PLA2G4A: variants seen among roughly 807,000 people sequenced by gnomAD.
PLA2G4A encodes the protein cytosolic phospholipase A2.
PLA2G4A carries 40 observed loss-of-function variants against 81.9 expected under a neutral mutation model. The observed-to-expected ratio is 0.49, with a 90% confidence interval of 0.38 to 0.64. PLA2G4A has a LOEUF of 0.64. PLA2G4A is among the 30% of genes least tolerant of loss of function. The pLI, the probability that PLA2G4A is intolerant of heterozygous loss-of-function variation, is 0.00. For missense variants in PLA2G4A, 715 were observed against 905.1 expected, an observed-to-expected ratio of 0.79 and a Z score of 2.69; for synonymous variants, 302 against 296.9, an observed-to-expected ratio of 1.02 and a Z score of -0.18.
At chr1:186,906,264 G>A (rs577812523) in intron 5 of PLA2G4A, among the ~76,000 whole-genome samples, 29 of 152,194 alleles carry the variant, frequency 1.9e-4, no homozygotes, top group Admixed American at 1.8e-3. Context: ...TACAGTCTCT[G>A]GAAAGACAAC....
intron 10 of PLA2G4A, among the ~76,000 whole-genome samples, chr1:186,941,487 C>A (rs565890361): frequency 2.4e-4 from 37 of 152,220 alleles, no homozygotes; most frequent in African/African-American, 8.7e-4. Context: ...TATTTTATTC[C>A]ATGTTTCCTA....
chr1:186,884,850 C>T (rs572655402), intron 3 of PLA2G4A, among the ~76,000 whole-genome samples: 1 of 150,730 alleles, frequency 6.6e-6, no homozygotes, highest in South Asian at 2.1e-4. Flanking sequence ...CACCATGGTG[C>T]CACTGCACTC....
rs1295286839 is a variant in PLA2G4A, at chr1:186,830,987, TTTCTTTC to T, written c.-70+1955_-70+1961del. Among the ~76,000 whole-genome samples the T allele has an allele frequency of 4.6e-4, 65 of 141,556 alleles. No individual in the cohort carries two copies. The South Asian group carries it at 0.014, about 31-fold the overall frequency. 92.9% of individuals were successfully genotyped at this position (141,556 alleles called of 152,430 possible). ...CTTTCTTTCTTTCTTTCTTTCTTTC[TTTCTTTC>T]TTTCTTTCTTTCTTTCTTTCTTTCT... On this transcript the variant is annotated intron_variant, in intron 1 of 17. Coordinates refer to ENST00000367466, the MANE Select transcript of PLA2G4A (RefSeq NM_024420.3).
chr1:186,962,706 G>C (rs1657000702), intron 14 of PLA2G4A, among the ~76,000 whole-genome samples: 1 of 152,000 alleles, frequency 6.6e-6, no homozygotes. Context: ...ATTTTTAGTA[G>C]AGACGGGGTT....
intron 5 of PLA2G4A, among the ~76,000 whole-genome samples, chr1:186,901,819 A>G (rs1344188014): frequency 6.6e-6 from 1 of 152,186 alleles, no homozygotes; most frequent in African/African-American, 2.4e-5. Context: ...CAAGTCTGTT[A>G]AGAACAATTT....
chr1:186,897,331 T>G (rs1558413187), intron 5 of PLA2G4A, among the ~76,000 whole-genome samples: 1 of 152,122 alleles, frequency 6.6e-6, no homozygotes, highest in Non-Finnish European at 1.5e-5. Flanking sequence ...GACCCTCGTT[T>G]TGTCTCTGTC....
intron 10 of PLA2G4A, among the ~76,000 whole-genome samples, chr1:186,945,692 A>C (rs1345225618): frequency 6.6e-6 from 1 of 152,158 alleles, no homozygotes; most frequent in Non-Finnish European, 1.5e-5. Flanking sequence ...TGGCATGAAT[A>C]ATATAGTACC....
chr1:186,874,406 A>G (rs1029101408), intron 3 of PLA2G4A, among the ~76,000 whole-genome samples: 5 of 152,084 alleles, frequency 3.3e-5, no homozygotes, highest in Non-Finnish European at 5.9e-5. Context: ...ACAGATCCTG[A>G]ATGATAATGG....
rs10657628 is a variant in PLA2G4A, at chr1:186,962,486, T to TTTTATTTA, written c.1580-2879_1580-2872dup. Among the ~76,000 whole-genome samples the TTTTATTTA allele has an allele frequency of 2.0e-3, 270 of 136,686 alleles. 2 individuals carry two copies. Among genetic ancestry groups the TTTTATTTA allele is most frequent in the Middle Eastern group, 3.7e-3 (1 of 272 alleles). The allele number at this position is 136,686 out of a possible 152,430, so 89.7% of individuals were successfully genotyped here. A position where few individuals can be genotyped will look rare whatever the true frequency, so the allele number is the denominator to read the frequency against. On this transcript the variant is annotated intron_variant, in intron 14 of 17. Coordinates refer to ENST00000367466, the MANE Select transcript of PLA2G4A (RefSeq NM_024420.3). ...AACTCTATACTTTGTAGTTATTTTA[T>TTTTATTTA]TTTATTTATTTATTTATTTATTTAT...
rs754170276 is a variant in PLA2G4A, at chr1:186,946,693, G to A, written c.1090G>A (p.Ala364Thr). Residue 364 changes from alanine to threonine, a missense_variant, in exon 11 of 18, where the codon GCT (alanine) becomes ACT (threonine). Ala to Thr is a moderately conservative substitution (Grantham distance 58). Coordinates refer to ENST00000367466, the MANE Select transcript of PLA2G4A (RefSeq NM_024420.3). Reference protein sequence around the residue: ...IGMAKYGTFMAPDLFGSKFFM... With the variant: ...IGMAKYGTFMTPDLFGSKFFM... ...CATGGCTAAATATGGTACTTTTATG[G>A]CTCCCGACTTATTTGGAAGCAAATT... The A allele has an allele frequency of 5.9e-5, 95 of 1,610,002 alleles. No homozygotes were observed. The highest frequency in any genetic ancestry group is 7.4e-5 in the Non-Finnish European group (87 of 1,176,642).
At chr1:186,968,573 TAA>T (rs1294534924) in intron 15 of PLA2G4A, among the ~76,000 whole-genome samples, 3 of 151,770 alleles carry the variant, frequency 2.0e-5, no homozygotes, top group East Asian at 3.9e-4. Context: ...AAAAGATATA[TAA>T]GATGTTTATA....
intron 3 of PLA2G4A, among the ~76,000 whole-genome samples, chr1:186,880,968 T>A (rs999587163): frequency 1.3e-5 from 2 of 152,076 alleles, no homozygotes; most frequent in African/African-American, 2.4e-5. Flanking sequence ...TTGGCGTATA[T>A]TTCTCCCCAT....
At chr1:186,934,040 T>A (rs1331877666) in intron 8 of PLA2G4A, among the ~76,000 whole-genome samples, 3 of 152,150 alleles carry the variant, frequency 2.0e-5, no homozygotes, top group Non-Finnish European at 2.9e-5. Context: ...ATTTATTTCT[T>A]CTGAAGGAAG....
chr1:186,837,753 G>GAAAAAAAAA, intron 1 of PLA2G4A, among the ~76,000 whole-genome samples: 1 of 118,168 alleles, frequency 8.5e-6, no homozygotes, highest in Non-Finnish European at 1.7e-5. Context: ...AAAAAAAAAA[G>GAAAAAAAAA]AAAAAGAAAA....
At chr1:186,968,390 C>T (rs1313674945) in intron 15 of PLA2G4A, among the ~76,000 whole-genome samples, 8 of 33,484 alleles carry the variant, frequency 2.4e-4, no homozygotes, top group African/African-American at 2.9e-4. Context: ...AGTCTCTTTT[C>T]GCGGTGTGTA....
At chr1:186,848,648 T>A (rs763259619) in intron 1 of PLA2G4A, among the ~76,000 whole-genome samples, 10 of 152,104 alleles carry the variant, frequency 6.6e-5, no homozygotes, top group Non-Finnish European at 1.0e-4. Context: ...AAGACAAAGT[T>A]GCTTTGAGAT....
intron 3 of PLA2G4A, among the ~76,000 whole-genome samples, chr1:186,871,043 T>C (rs753066611): frequency 1.3e-5 from 2 of 152,134 alleles, no homozygotes; most frequent in South Asian, 2.1e-4. Context: ...GAATACTGAG[T>C]AAAGACTTTA....
At position 186,973,238 on chromosome 1, in the gene PLA2G4A, A is replaced by C. The variant is rs12720678; in HGVS notation, c.1765-4355A>C. Reference sequence around the variant, plus strand: ...CCTCTCTCTAAAGCCTCCACAGTAGACTCCTTCCTTGCCTTTTCCAGCTTT... The same window carrying C: ...CCTCTCTCTAAAGCCTCCACAGTAGCCTCCTTCCTTGCCTTTTCCAGCTTT... On this transcript the variant is annotated intron_variant, in intron 15 of 17. Coordinates refer to ENST00000367466, the MANE Select transcript of PLA2G4A (RefSeq NM_024420.3). 2.9e-3 allele frequency among the ~76,000 whole-genome samples: 443 copies of C among 151,216 alleles called. 3 individuals carry two copies. The highest frequency in any genetic ancestry group is 6.8e-3 in the Middle Eastern group (2 of 294).
At chr1:186,962,627 T>C (rs959763365) in intron 14 of PLA2G4A, among the ~76,000 whole-genome samples, 3 of 152,072 alleles carry the variant, frequency 2.0e-5, no homozygotes, top group Non-Finnish European at 4.4e-5. Context: ...GTTCACGCCA[T>C]TCTCCTGCCT....
Sources: gnomAD v4.1 joint callset for allele counts (sites outside exome capture counted in the v4.1 genomes callset) on GRCh38, gnomAD v4.1.1 for gene constraint, MANE v1.5 for transcripts, NCBI Gene and HGNC (gene_info 2026-07-23, HGNC 2026-07-21) for gene names.